Variants in EVI5 observed in about 807,000 individuals in gnomAD.
EVI5 encodes ecotropic viral integration site 5, also known as ecotropic viral integration site 5 protein homolog.
Under a neutral mutation model 112.0 loss-of-function variants are expected in EVI5, and 73 were observed. That is an observed-to-expected ratio of 0.65 (90% confidence interval 0.54 to 0.79). The LOEUF is 0.79. EVI5 is among the 30% of genes least tolerant of loss of function. EVI5 has a pLI of 0.00. For missense variants in EVI5, 900 were observed against 968.8 expected, an observed-to-expected ratio of 0.93 and a Z score of 0.94; for synonymous variants, 305 against 319.9, an observed-to-expected ratio of 0.95 and a Z score of 0.50.
At chr1:92,567,573 A>ATG (rs1267813477) in intron 18 of EVI5, among the ~76,000 whole-genome samples, 2 of 152,052 alleles carry the variant, frequency 1.3e-5, no homozygotes, top group African/African-American at 2.4e-5. Flanking sequence ...GTAGAGTAAC[A>ATG]TGTTGTATAG....
intron 18 of EVI5, among the ~76,000 whole-genome samples, chr1:92,569,341 T>G (rs993366776): frequency 1.3e-5 from 2 of 152,172 alleles, no homozygotes; most frequent in Non-Finnish European, 2.9e-5. Flanking sequence ...AAATTTTCTT[T>G]CTTGGATTTG....
intron 1 of EVI5, among the ~76,000 whole-genome samples, chr1:92,758,017 T>G (rs1681221484): frequency 6.6e-6 from 1 of 151,016 alleles, no homozygotes; most frequent in Non-Finnish European, 1.5e-5. Context: ...GACACTACCA[T>G]ACAACAGAAT....
intron 16 of EVI5, among the ~76,000 whole-genome samples, chr1:92,621,571 C>T (rs1292298577): frequency 3.3e-5 from 5 of 152,106 alleles, no homozygotes; most frequent in Non-Finnish European, 7.4e-5. Context: ...GCCTTGGCCT[C>T]CCAAAATGTT....
intron 18 of EVI5, among the ~76,000 whole-genome samples, chr1:92,576,202 A>G (rs1007262449): frequency 6.6e-6 from 1 of 151,944 alleles, no homozygotes; most frequent in African/African-American, 2.4e-5. Flanking sequence ...AGTCATATGT[A>G]TGATATTATG....
At chr1:92,715,910 G>A (rs1462620966) in intron 2 of EVI5, among the ~76,000 whole-genome samples, 2 of 152,122 alleles carry the variant, frequency 1.3e-5, no homozygotes, top group Non-Finnish European at 2.9e-5. Context: ...GCAGGTGGAG[G>A]GACATCCACC....
chr1:92,736,581 C>A lies in EVI5; in HGVS notation c.-35G>T. The A allele has an allele frequency of 6.2e-7, 1 of 1,614,028 alleles. No individual in the cohort carries two copies. The highest frequency in any genetic ancestry group is 8.5e-7 in the Non-Finnish European group (1 of 1,179,932). On this transcript the variant is annotated 5_prime_UTR_variant, in exon 2 of 20. The change abolishes an upstream ATG in the 5' untranslated region. Transcript: ENST00000684568. ...TGTATGCGATACTGTGTTCTTCACCCATGAGAGAGTAGAGCTCAGCTTTTC... is the reference window on the plus strand; with the variant it reads ...TGTATGCGATACTGTGTTCTTCACCAATGAGAGAGTAGAGCTCAGCTTTTC...
intron 10 of EVI5, among the ~76,000 whole-genome samples, chr1:92,669,321 G>A (rs1665447139): frequency 6.6e-6 from 1 of 152,004 alleles, no homozygotes; most frequent in Non-Finnish European, 1.5e-5. Flanking sequence ...GCCAAGGCAG[G>A]TGGATCACTT....
intron 2 of EVI5, among the ~76,000 whole-genome samples, chr1:92,710,369 G>C (rs1672670288): frequency 6.6e-6 from 1 of 151,896 alleles, no homozygotes; most frequent in Non-Finnish European, 1.5e-5. Context: ...AGGGGGGATG[G>C]TGGGGGAATA....
intron 14 of EVI5, among the ~76,000 whole-genome samples, chr1:92,635,145 G>T (rs1164699517): frequency 6.6e-6 from 1 of 152,218 alleles, no homozygotes; most frequent in Non-Finnish European, 1.5e-5. Context: ...ACTTGAGGAG[G>T]CAGTCTGTCG....
intron 5 of EVI5, among the ~76,000 whole-genome samples, chr1:92,701,689 C>T (rs950447089): frequency 8.6e-5 from 13 of 151,864 alleles, no homozygotes; most frequent in African/African-American, 2.9e-4. Flanking sequence ...GGCTGAGTAC[C>T]ACTATTTTAG....
intron 1 of EVI5, among the ~76,000 whole-genome samples, chr1:92,766,332 C>T (rs115767539): frequency 0.019 from 2,875 of 151,798 alleles, 106 homozygotes; most frequent in African/African-American, 0.065. Flanking sequence ...GATATCCACA[C>T]ACAATTTTTT....
chr1:92,735,686 C>T (rs1274998650), intron 2 of EVI5, among the ~76,000 whole-genome samples: 1 of 140,278 alleles, frequency 7.1e-6, no homozygotes, highest in Non-Finnish European at 1.5e-5. Flanking sequence ...TTATATATAA[C>T]ATATATATGA....
chr1:92,550,814 A>AT (rs1299209083), intron 19 of EVI5, among the ~76,000 whole-genome samples: 51 of 104,490 alleles, frequency 4.9e-4, no homozygotes, highest in African/African-American at 1.7e-3. Flanking sequence ...ATATATATAT[A>AT]ACAAAAAAAA....
At position 92,612,485 on chromosome 1, in the gene EVI5, G is replaced by A. The variant is rs180774231; in HGVS notation, c.1828-4758C>T. On this transcript the variant is annotated intron_variant, in intron 16 of 19. Transcript: ENST00000684568. ...GTACTTTGGGAGGCCGAGGCGGGAGGATCACTTGAGGTCAGGAGTTCGACA... is the reference window on the plus strand; with the variant it reads ...GTACTTTGGGAGGCCGAGGCGGGAGAATCACTTGAGGTCAGGAGTTCGACA... Among the ~76,000 whole-genome samples, 409 of 152,098 alleles carry A rather than the reference G, an allele frequency of 2.7e-3. 1 individual carries two copies. The highest frequency in any genetic ancestry group is 9.6e-3 in the African/African-American group (398 of 41,506).
chr1:92,549,959 G>T (rs1157138881), intron 19 of EVI5, among the ~76,000 whole-genome samples: 1 of 152,136 alleles, frequency 6.6e-6, no homozygotes, highest in African/African-American at 2.4e-5. Flanking sequence ...CAAGGATCTA[G>T]AACTAGAAAT....
chr1:92,676,305 G>A (rs566401501), intron 10 of EVI5, among the ~76,000 whole-genome samples: 3 of 151,646 alleles, frequency 2.0e-5, no homozygotes, highest in Admixed American at 6.6e-5. Flanking sequence ...ATAATGTCTC[G>A]CCAGATCCAA....
At chr1:92,736,741 G>T (rs769132213) in intron 1 of EVI5, 114 bp from the exon 2 acceptor site, 6 of 758,580 alleles carry the variant, frequency 7.9e-6, no homozygotes, top group Non-Finnish European at 1.3e-5. Flanking sequence ...TTCTCTTTGA[G>T]GAAGTAAAGG....
intron 9 of EVI5, among the ~76,000 whole-genome samples, chr1:92,691,573 T>C (rs1037465632): frequency 6.6e-6 from 1 of 152,180 alleles, no homozygotes; most frequent in Non-Finnish European, 1.5e-5. Flanking sequence ...AATGAAATGC[T>C]ATGTTGAGGA....
At chr1:92,664,119 T>C (rs1664484448) in intron 11 of EVI5, among the ~76,000 whole-genome samples, 1 of 152,130 alleles carries the variant, frequency 6.6e-6, no homozygotes, top group African/African-American at 2.4e-5. Context: ...CCCACTTACA[T>C]GAAAGGGAGA....
Sources: gnomAD v4.1 joint callset for allele counts (sites outside exome capture counted in the v4.1 genomes callset) on GRCh38, gnomAD v4.1.1 for gene constraint, MANE v1.5 for transcripts, NCBI Gene and HGNC (gene_info 2026-07-23, HGNC 2026-07-21) for gene names.